The following NHSL1 variants were observed in gnomAD, a reference collection of about 807,000 sequenced individuals.
The protein encoded by NHSL1 is NHS like 1.
In NHSL1, 48 loss-of-function variants were observed where a neutral mutation model predicts 95.0. The ratio of observed to expected loss-of-function variants is 0.51; its 90% CI spans 0.40 to 0.64. The LOEUF is 0.64. Among genes scored for constraint, NHSL1 ranks in the 30% least tolerant of loss-of-function variants. NHSL1 has a pLI of 0.00. For missense variants in NHSL1, 1,971 were observed against 2,077.7 expected (o/e 0.95, Z 1.00); for synonymous variants, 783 against 833.9 (o/e 0.94, Z 1.05).
At position 138,692,536 on chromosome 6, in the gene NHSL1, G is replaced by A. The variant is rs1474347151; in HGVS notation, c.37C>T (p.Arg13Cys). 5.0e-6 allele frequency: 1 copy of A among 199,240 alleles called. No individual in the cohort carries two copies. The highest frequency in any genetic ancestry group is 6.3e-5 in the Admixed American group (1 of 15,856). 12.3% of individuals were successfully genotyped at this position (199,240 alleles called of 1,614,324 possible). The change falls in exon 1 of 4, where the codon CGC (arginine) becomes TGC (cysteine). Residue 13 changes from arginine to cysteine, a missense_variant. Physicochemically the swap from Arg to Cys is radical, Grantham distance 180. Transcript: ENST00000491526. The surrounding 1 kb of genome is among the most constrained non-coding windows in gnomAD (Gnocchi z 4.0). ...GCGGCTTGCAGGGCGTCGAGGCGGCGGTGCAGCGCGGCGGTGCGGTGGCCC... is the reference window on the plus strand; with the variant it reads ...GCGGCTTGCAGGGCGTCGAGGCGGCAGTGCAGCGCGGCGGTGCGGTGGCCC...
chr6:138,424,782 C>G lies in NHSL1; in HGVS notation c.4120G>C (p.Asp1374His), dbSNP rs1423331911. ...KRKVLGRRDS[D>H]DDHSRNHSPS... ...GAATGGTTTCGGGAGTGGTCATCAT[C>G]TGAATCTCTACGGCCGAGGACTTTC... The change falls in exon 8 of 8, where the codon GAT (aspartate) becomes CAT (histidine). Residue 1374 changes from aspartate to histidine, a missense_variant. Asp to His is a moderately conservative substitution (Grantham distance 81). This residue lies in a region of NHSL1 where 146 missense variants were observed against 206.3 expected (regional missense o/e 0.71). Transcript: ENST00000343505. This position sits in a 1 kb window ranked among gnomAD's most constrained non-coding sequence, Gnocchi z 5.9. 4.5e-6 allele frequency: 7 copies of G among 1,551,362 alleles called. No individual in the cohort carries two copies. Among genetic ancestry groups the G allele is most frequent in the Non-Finnish European group, 8.7e-7 (1 of 1,146,900 alleles).
intron 1 of NHSL1, among the ~76,000 whole-genome samples, chr6:138,600,303 G>A (rs1784355651): frequency 6.6e-6 from 1 of 152,038 alleles, no homozygotes; most frequent in African/African-American, 2.4e-5. Context: ...GCACAATGAT[G>A]GCTCATGGCA....
At chr6:138,652,160 GGCCAGGTGCAGTGGTTCAT>G (rs1321980532) in intron 1 of NHSL1, among the ~76,000 whole-genome samples, 5 of 152,024 alleles carry the variant, frequency 3.3e-5, no homozygotes, top group Non-Finnish European at 5.9e-5. Context: ...AGGTATGGCT[GGCCAGGTGCAGTGGTTCAT>G]GCCTGTAATC....
At chr6:138,454,987 T>C (rs1177134973) in intron 3 of NHSL1, among the ~76,000 whole-genome samples, 1 of 152,162 alleles carries the variant, frequency 6.6e-6, no homozygotes, top group East Asian at 1.9e-4. Context: ...AAACAGACCC[T>C]GATTATAGAG....
chr6:138,640,198 T>C (rs896372183), intron 1 of NHSL1, among the ~76,000 whole-genome samples: 6 of 152,198 alleles, frequency 3.9e-5, no homozygotes, highest in African/African-American at 1.2e-4. Flanking sequence ...CCCTCTATTA[T>C]ACAGTTAGGG....
In NHSL1 at chr6:138,523,640, A is replaced by AAAAAC. The variant is rs1562347431; in HGVS notation, c.16+21982_16+21983insGTTTT. 4.7e-5 allele frequency among the ~76,000 whole-genome samples: 7 copies of AAAAAC among 147,974 alleles called. No homozygotes were observed. The South Asian group carries it at 1.3e-3, about 27-fold the overall frequency. On this transcript the variant is annotated intron_variant, in intron 1 of 4. Coordinates refer to the NHSL1 transcript ENST00000342260. ...TGTTTTAAAGAGGAAAAAAAAAAAA[A>AAAAAC]AAAAAAAAAAAACAGAGCTAAAAGC...
intron 1 of NHSL1, among the ~76,000 whole-genome samples, chr6:138,682,693 C>T (rs571577966): frequency 2.0e-5 from 3 of 152,290 alleles, no homozygotes; most frequent in East Asian, 1.9e-4. Context: ...GCCTCACACA[C>T]GGCCTAGATG....
intron 1 of NHSL1, among the ~76,000 whole-genome samples, chr6:138,610,560 T>TTA (rs909564393): frequency 1.2e-4 from 8 of 64,608 alleles, no homozygotes; most frequent in East Asian, 8.3e-4. Flanking sequence ...TATATATATA[T>TTA]TATATATATA....
chr6:138,546,456 A>C (rs940546155), upstream of NHSL1, among the ~76,000 whole-genome samples: 7 of 147,028 alleles, frequency 4.8e-5, no homozygotes, highest in Admixed American at 1.4e-4. Context: ...AAAAAAAAAA[A>C]AAACTAGCTG....
intron 2 of NHSL1, among the ~76,000 whole-genome samples, chr6:138,476,333 A>G (rs149142561): frequency 6.6e-6 from 1 of 152,354 alleles, no homozygotes; most frequent in Non-Finnish European, 1.5e-5. Context: ...GAATTAAATC[A>G]TATAATTTGC....
At chr6:138,491,647 T>C (rs993771767) in intron 2 of NHSL1, among the ~76,000 whole-genome samples, 1 of 152,242 alleles carries the variant, frequency 6.6e-6, no homozygotes, top group Non-Finnish European at 1.5e-5. Context: ...TCTTCACAGA[T>C]AATGGGATCC....
rs1784744702 is a variant in NHSL1, at chr6:138,626,829, G to A, written c.96+65647C>T. 6.2e-5 allele frequency among the ~76,000 whole-genome samples: 4 copies of A among 64,940 alleles called. 1 individual carries two copies. In the Admixed American group the frequency reaches 6.4e-4, roughly 10 times the overall value. 42.6% of individuals were successfully genotyped at this position (64,940 alleles called of 152,430 possible). A position where few individuals can be genotyped will look rare whatever the true frequency, so the allele number is the denominator to read the frequency against. ...GAATGGCGTGAACCCGGGAGGCGGA[G>A]CTTGCAGTGAGCCGAGATCCCGCCA... On this transcript the variant is annotated intron_variant, in intron 1 of 3. Coordinates refer to the NHSL1 transcript ENST00000491526.
intron 1 of NHSL1, among the ~76,000 whole-genome samples, chr6:138,504,813 G>A (rs747089360): frequency 2.6e-5 from 4 of 152,230 alleles, no homozygotes; most frequent in African/African-American, 4.8e-5. Context: ...AAAATGTGAA[G>A]AGGTCAGAAT....
chr6:138,499,447 T>C lies in NHSL1; in HGVS notation c.-157A>G. ...TCTGCCCAGGCTGATGTAACTGAGG[T>C]TGAGTTTATTGTCAGGCAGTTACAA... On this transcript the variant is annotated 5_prime_UTR_variant, in exon 1 of 8. Coordinates refer to ENST00000343505, the MANE Select transcript of NHSL1 (RefSeq NM_001144060.2). 5.0e-6 allele frequency: 7 copies of C among 1,405,798 alleles called. No homozygotes were observed. The highest frequency in any genetic ancestry group is 6.5e-6 in the Non-Finnish European group (7 of 1,071,880). 87.1% of individuals were successfully genotyped at this position (1,405,798 alleles called of 1,614,324 possible). A position where few individuals can be genotyped will look rare whatever the true frequency, so the allele number is the denominator to read the frequency against.
intron 1 of NHSL1, among the ~76,000 whole-genome samples, chr6:138,527,619 G>A (rs1444586269): frequency 2.6e-5 from 4 of 152,218 alleles, no homozygotes; most frequent in African/African-American, 4.8e-5. Context: ...TACATACTAC[G>A]CCCCTTACCA....
At chr6:138,494,404 G>T (rs1236721160) in intron 2 of NHSL1, among the ~76,000 whole-genome samples, 1 of 152,164 alleles carries the variant, frequency 6.6e-6, no homozygotes, top group Non-Finnish European at 1.5e-5. Flanking sequence ...AATTAACTTG[G>T]AGATCTTGGG....
chr6:138,603,124 C>G (rs1784392316), intron 1 of NHSL1, among the ~76,000 whole-genome samples: 1 of 152,188 alleles, frequency 6.6e-6, no homozygotes. Context: ...CAAAATATAA[C>G]TATCAGTTTT....
chr6:138,576,336 T>C (rs145681534), upstream of NHSL1, among the ~76,000 whole-genome samples: 2 of 152,290 alleles, frequency 1.3e-5, no homozygotes, highest in East Asian at 3.9e-4. Context: ...AAAAAATAAC[T>C]TCAGCTATAA....
At chr6:138,575,515 C>T (rs1285688044), upstream of NHSL1, among the ~76,000 whole-genome samples, 5 of 152,144 alleles carry the variant, frequency 3.3e-5, no homozygotes, top group South Asian at 2.1e-4. Flanking sequence ...CCTAGGGATA[C>T]GTTTGTATAA....
Sources: allele counts gnomAD v4.1 joint callset (sites outside exome capture counted in the v4.1 genomes callset), GRCh38; gene constraint gnomAD v4.1.1; regional missense constraint gnomAD v4.1.1; non-coding constraint Gnocchi (gnomAD v3.1); transcripts MANE v1.5; gene names NCBI Gene and HGNC (gene_info 2026-07-23, HGNC 2026-07-21).